Variants in FBXO10 observed in about 807,000 individuals in gnomAD.
The protein encoded by FBXO10 is F-box protein 10.
A neutral mutation model predicts 80.7 loss-of-function variants in FBXO10; 39 were observed. The observed-to-expected ratio is 0.48, with a 90% CI of 0.37 to 0.63. The LOEUF is 0.63. FBXO10 is among the 30% of genes least tolerant of loss of function. The pLI is 0.00. For synonymous variants in FBXO10, 449 were observed against 489.6 expected (o/e 0.92, Z 1.09); for missense variants, 1,025 against 1,269.0 (o/e 0.81, Z 2.92).
intron 10 of FBXO10, among the ~76,000 whole-genome samples, chr9:37,513,645 A>G (rs1418888761): frequency 1.3e-5 from 2 of 151,854 alleles, no homozygotes; most frequent in African/African-American, 2.4e-5. Context: ...GCTGGAGTGC[A>G]GTAGTGTGAT....
intron 1 of FBXO10, among the ~76,000 whole-genome samples, chr9:37,558,240 G>C (rs2119172002): frequency 6.6e-6 from 1 of 152,324 alleles, no homozygotes; most frequent in Non-Finnish European, 1.5e-5. Flanking sequence ...CCAGGTGAGA[G>C]GCTTCCATAT....
intron 1 of FBXO10, among the ~76,000 whole-genome samples, chr9:37,575,035 C>G (rs1822857607): frequency 6.6e-6 from 1 of 152,164 alleles, no homozygotes. Flanking sequence ...AAAGTCCTGT[C>G]GTCCTTCTGG....
intron 3 of FBXO10, among the ~76,000 whole-genome samples, chr9:37,534,476 G>C (rs997547659): frequency 6.6e-6 from 1 of 152,192 alleles, no homozygotes; most frequent in Non-Finnish European, 1.5e-5. Context: ...AAGAAAGACA[G>C]GCGCCTCCAA....
chr9:37,574,883 G>A (rs1003493313), intron 1 of FBXO10, among the ~76,000 whole-genome samples: 1 of 152,234 alleles, frequency 6.6e-6, no homozygotes, highest in African/African-American at 2.4e-5. Context: ...CCTAGTAGGT[G>A]TACAAGACAG....
chr9:37,524,463 A>G (rs1243363401), intron 6 of FBXO10, among the ~76,000 whole-genome samples: 2 of 152,184 alleles, frequency 1.3e-5, no homozygotes, highest in African/African-American at 4.8e-5. Flanking sequence ...TGATAAGTTC[A>G]GTCAGGGGGA....
intron 5 of FBXO10, among the ~76,000 whole-genome samples, chr9:37,528,167 T>C (rs561525325): frequency 1.3e-5 from 2 of 152,320 alleles, no homozygotes; most frequent in African/African-American, 4.8e-5. Context: ...CCCCGCTGTG[T>C]AGACAGAATA....
rs142997816 is a variant in FBXO10 at position 37,527,997 on chromosome 9, G to A, written c.1706+1127C>T. ...ATATGGTGAAACTTTCCAAAGTGAT[G>A]AATGTAAAGGCCATGCATGCAACAA... On this transcript the variant is annotated intron_variant, in intron 5 of 10. Coordinates refer to ENST00000432825, the MANE Select transcript of FBXO10 (RefSeq NM_012166.3). 3.3e-3 allele frequency among the ~76,000 whole-genome samples: 510 copies of A among 152,300 alleles called. 6 individuals carry two copies. Among genetic ancestry groups the A allele is most frequent in the African/African-American group, 0.012 (480 of 41,540 alleles).
At chr9:37,574,555 T>C (rs1822845937) in intron 1 of FBXO10, among the ~76,000 whole-genome samples, 1 of 152,188 alleles carries the variant, frequency 6.6e-6, no homozygotes, top group South Asian at 2.1e-4. Context: ...AAATCCTTTC[T>C]TAAAAGCCCT....
chr9:37,525,032 C>T (rs1174067680), intron 6 of FBXO10, 70 bp downstream of exon 6: 15 of 1,362,490 alleles, frequency 1.1e-5, no homozygotes, highest in East Asian at 2.5e-5. Flanking sequence ...AGTGTGAGGT[C>T]CTGAAGCTGG....
In FBXO10 at chr9:37,515,998, AGAT is replaced by A. The variant is rs1375082048; in HGVS notation, c.2599_2601del (p.Ile867del). 6 of 1,613,958 alleles carry A rather than the reference AGAT, an allele frequency of 3.7e-6. No individual in the cohort carries two copies. Among genetic ancestry groups the A allele is most frequent in the Non-Finnish European group, 5.1e-6 (6 of 1,179,908 alleles). ...ATGGTCTTACTGGTTTTGCCCTGGA[AGAT>A]GATGTTTTCCTGCACCAGGGCCTTG... On this transcript the variant is annotated inframe_deletion, in exon 10 of 11. Transcript: ENST00000432825.
chr9:37,529,482 G>C (rs1356089695), intron 4 of FBXO10, among the ~76,000 whole-genome samples: 1 of 152,192 alleles, frequency 6.6e-6, no homozygotes, highest in African/African-American at 2.4e-5. Context: ...ATGAAGACTG[G>C]AGTCTTCGCT....
chr9:37,539,896 G>T (rs1001723702), intron 2 of FBXO10, among the ~76,000 whole-genome samples: 5 of 152,162 alleles, frequency 3.3e-5, no homozygotes, highest in African/African-American at 1.2e-4. Flanking sequence ...TTTGCTGTGG[G>T]GGTCCAATGA....
intron 3 of FBXO10, chr9:37,536,143 C>T (rs1455303249): frequency 1.3e-5 from 2 of 152,174 alleles, no homozygotes; most frequent in Non-Finnish European, 1.5e-5. Context: ...TTGCTATTAA[C>T]CATTTTAGAA....
intron 1 of FBXO10, among the ~76,000 whole-genome samples, chr9:37,575,315 G>T (rs1047507530): frequency 1.3e-5 from 2 of 152,240 alleles, no homozygotes; most frequent in South Asian, 4.1e-4. Flanking sequence ...AAAAAGAAAA[G>T]GTCTTACAAA....
intron 1 of FBXO10, among the ~76,000 whole-genome samples, chr9:37,557,034 A>G (rs1463148451): frequency 6.6e-6 from 1 of 152,176 alleles, no homozygotes; most frequent in Non-Finnish European, 1.5e-5. Flanking sequence ...ACAACTATTC[A>G]GGGCAACAGA....
chr9:37,518,546 G>T, intron 8 of FBXO10, 108 bp from the exon 9 acceptor site: 1 of 917,118 alleles, frequency 1.1e-6, no homozygotes, highest in South Asian at 1.8e-5. Context: ...ACGGAGTGGA[G>T]AAGAAGAGGT....
intron 2 of FBXO10, 84 bp downstream of exon 2, chr9:37,541,100 A>T: frequency 8.1e-7 from 1 of 1,237,836 alleles, no homozygotes; most frequent in African/African-American, 1.5e-5. Context: ...CAATTCCAAC[A>T]AAAAAAGGGA....
intron 1 of FBXO10, among the ~76,000 whole-genome samples, chr9:37,547,875 T>A (rs914401149): frequency 6.6e-6 from 1 of 151,980 alleles, no homozygotes; most frequent in Non-Finnish European, 1.5e-5. Flanking sequence ...GGAGAATCCC[T>A]TGAGTCTAGG....
chr9:37,525,001 A>C (rs773981289), intron 6 of FBXO10, 101 bp downstream of exon 6: 1 of 986,364 alleles, frequency 1.0e-6, no homozygotes. Context: ...AAGAGGCCAT[A>C]GTCTGTGGGG....
Sources: gnomAD v4.1 joint callset for allele counts (sites outside exome capture counted in the v4.1 genomes callset) on GRCh38, gnomAD v4.1.1 for gene constraint, MANE v1.5 for transcripts, NCBI Gene and HGNC (gene_info 2026-07-23, HGNC 2026-07-21) for gene names.